SLC12A3: variants seen among roughly 807,000 people sequenced by gnomAD.
The protein encoded by SLC12A3 is solute carrier family 12 member 3.
A neutral mutation model predicts 121.0 loss-of-function variants in SLC12A3; 104 were observed. The observed-to-expected ratio is 0.86, with a 90% confidence interval of 0.73 to 1.01. The LOEUF (loss-of-function observed/expected upper bound fraction) is 1.01. SLC12A3 is among the 50% of genes least tolerant of loss of function. The pLI, the probability that SLC12A3 is intolerant of heterozygous loss-of-function variation, is 0.00. For missense variants in SLC12A3, 1,328 were observed against 1,356.3 expected, an observed-to-expected ratio of 0.98 and a Z score of 0.33; for synonymous variants, 536 against 533.4, an observed-to-expected ratio of 1.00 and a Z score of -0.07.
At chr16:56,895,926 G>T (rs1055625038) in intron 22 of SLC12A3, among the ~76,000 whole-genome samples, 5 of 152,162 alleles carry the variant, frequency 3.3e-5, no homozygotes, top group African/African-American at 9.6e-5. Context: ...CTGCAAGAGG[G>T]TTTGTGGCCC....
chr16:56,913,579 A>T lies in SLC12A3; in HGVS notation c.*174A>T. The T allele has an allele frequency of 1.4e-6, 1 of 707,488 alleles. No homozygotes were observed. 43.8% of individuals were successfully genotyped at this position (707,488 alleles called of 1,614,324 possible). On this transcript the variant is annotated 3_prime_UTR_variant, in exon 26 of 26. Transcript: ENST00000563236. ...CCAAATCTGGCTGGACTCCACTTCC[A>T]TGGGACACATTCCCTGGGTCTTGTG...
chr16:56,907,093 C>G (rs780575543), intron 25 of SLC12A3: 4 of 172,772 alleles, frequency 2.3e-5, no homozygotes, highest in Admixed American at 6.3e-5. Context: ...ATTGACAGGA[C>G]AGAGGTAAAA....
At position 56,886,569 on chromosome 16, in the gene SLC12A3, G is replaced by A. The variant is rs1215433970; in HGVS notation, c.2037+94G>A. ...GGGAGCCAAGACAGGTGGATCACCC[G>A]AGGTCAGGAGTTTGAGACCAGCCTG... On this transcript the variant is annotated intron_variant, in intron 16 of 25. Transcript: ENST00000563236. 2.9e-5 allele frequency: 34 copies of A among 1,163,908 alleles called. 1 individual carries two copies. Among genetic ancestry groups the A allele is most frequent in the Middle Eastern group, 4.0e-4 (2 of 5,048 alleles). The allele number at this position is 1,163,908 out of a possible 1,614,324, so 72.1% of individuals were successfully genotyped here.
intron 20 of SLC12A3, 166 bp downstream of exon 20, chr16:56,892,299 G>C (rs1422470275): frequency 5.9e-6 from 4 of 674,912 alleles, no homozygotes; most frequent in Non-Finnish European, 1.1e-5. Context: ...GGAACTGGAG[G>C]GGCTTGGCCG....
At position 56,875,972 on chromosome 16, in the gene SLC12A3, A is replaced by G. The variant is rs149965438; in HGVS notation, c.1096-2105A>G. Reference sequence around the variant, plus strand: ...CTGGTGTATTTGTGTTTTCACCACAAATTGGGTGGCTTAAAAACAGACCTA... The same window carrying G: ...CTGGTGTATTTGTGTTTTCACCACAGATTGGGTGGCTTAAAAACAGACCTA... On this transcript the variant is annotated intron_variant, in intron 8 of 25. Coordinates refer to ENST00000563236, the MANE Select transcript of SLC12A3 (RefSeq NM_001126108.2). Among the ~76,000 whole-genome samples the G allele has an allele frequency of 6.5e-3, 980 of 151,886 alleles. 7 individuals carry two copies. The highest frequency in any genetic ancestry group is 0.023 in the African/African-American group (940 of 41,460).
chr16:56,880,150 G>A lies in SLC12A3; in HGVS notation c.1464G>A (p.Leu488=). 6.2e-7 allele frequency: 1 copy of A among 1,607,472 alleles called. No individual in the cohort carries two copies. The highest frequency in any genetic ancestry group is 8.5e-7 in the Non-Finnish European group (1 of 1,177,918). The change falls in exon 12 of 26, where the codon CTG becomes CTA. Residue 488 remains leucine, a synonymous_variant. Coordinates refer to ENST00000563236, the MANE Select transcript of SLC12A3 (RefSeq NM_001126108.2). ...KVFQCLCEDQ[L]YPLIGFFGKG... is the part of the protein sequence containing the mutation. ...TGCAGTGCCTTTGCGAGGACCAGCT[G>A]TACCCACTGATCGGCTTCTTCGGCA...
chr16:56,902,559 C>T (rs748972632), intron 24 of SLC12A3, 51 bp downstream of exon 24: 214 of 1,603,924 alleles, frequency 1.3e-4, no homozygotes, highest in Non-Finnish European at 1.5e-4. Context: ...GGGTCAGGGA[C>T]GGGTGTCCTG....
rs1193684364 is a variant in SLC12A3, at chr16:56,913,875, G to GTC, written c.*478_*479dup. The GTC allele has an allele frequency of 5.0e-6, 1 of 200,152 alleles. No individual in the cohort carries two copies. The highest frequency in any genetic ancestry group is 2.3e-5 in the African/African-American group (1 of 42,774). The allele number at this position is 200,152 out of a possible 1,614,324, so 12.4% of individuals were successfully genotyped here. On this transcript the variant is annotated 3_prime_UTR_variant, in exon 26 of 26. Transcript: ENST00000563236. ...CCTACAGGCTCTCTAAGGAATGCAG[G>GTC]TCTCTCTCTGAGCCTCCACAGCCAG...
At chr16:56,879,764 G>C (rs1596908836) in intron 11 of SLC12A3, 115 bp downstream of exon 11, 2 of 782,534 alleles carry the variant, frequency 2.6e-6, no homozygotes, top group East Asian at 5.2e-5. Flanking sequence ...ATTAGACTGG[G>C]GTCTCTAGCC....
chr16:56,875,191 C>A (rs1483196893), intron 8 of SLC12A3, among the ~76,000 whole-genome samples: 1 of 152,168 alleles, frequency 6.6e-6, no homozygotes, highest in Non-Finnish European at 1.5e-5. Context: ...TCTTGGATGG[C>A]CTCCACCCAT....
Position 56,884,074 on chromosome 16 carries a change from C to T in SLC12A3, c.1695C>T (p.Tyr565=), listed in dbSNP as rs2144723154. ...GGTGGAGACCTTCATTCCAATACTA[C>T]AACAAGTGGGCGGCGCTGTTTGGGG... The part of the protein sequence containing the change: ...SPGWRPSFQY[Y]NKWAALFGAI... The change falls in exon 14 of 26, where the codon TAC becomes TAT. Residue 565 remains tyrosine, a synonymous_variant. Transcript: ENST00000563236. The T allele has an allele frequency of 6.2e-7, 1 of 1,614,166 alleles. No individual in the cohort carries two copies.
chr16:56,895,340 C>T (rs970523511), intron 22 of SLC12A3, among the ~76,000 whole-genome samples: 2 of 150,448 alleles, frequency 1.3e-5, no homozygotes, highest in Non-Finnish European at 3.0e-5. Flanking sequence ...TAGAGGCGTG[C>T]GCTACCATGC....
chr16:56,867,211 G>A lies in SLC12A3; in HGVS notation c.424G>A (p.Val142Met). ...EPVRFGWVKG[V>M]MIRCMLNIWG... ...AGTGCGCTTCGGCTGGGTCAAGGGG[G>A]TGATGGTGAGTGGGGTGTGGGTGGT... Residue 142 changes from valine (V) to methionine (M), a missense_variant, in exon 2 of 26, where the codon GTG becomes ATG. Transcript: ENST00000563236. 2 of 1,608,396 alleles carry A rather than the reference G, an allele frequency of 1.2e-6. No homozygotes were observed. Among genetic ancestry groups the A allele is most frequent in the Admixed American group, 1.7e-5 (1 of 58,464 alleles).
chr16:56,886,691 C>T (rs891397748), intron 16 of SLC12A3, among the ~76,000 whole-genome samples: 1 of 152,150 alleles, frequency 6.6e-6, no homozygotes, highest in Admixed American at 6.5e-5. Flanking sequence ...GCCAGGCACC[C>T]CCCATGGACC....
intron 25 of SLC12A3, among the ~76,000 whole-genome samples, chr16:56,909,677 T>C (rs141127981): frequency 7.9e-5 from 12 of 152,080 alleles, no homozygotes; most frequent in African/African-American, 2.9e-4. Context: ...AGTGTTTCTC[T>C]ACAAGTTCAG....
At chr16:56,911,579 C>G (rs1316258143) in intron 25 of SLC12A3, among the ~76,000 whole-genome samples, 2 of 152,184 alleles carry the variant, frequency 1.3e-5, no homozygotes, top group Non-Finnish European at 2.9e-5. Flanking sequence ...CCCACCTCGG[C>G]CTCCCAAAGT....
intron 1 of SLC12A3, among the ~76,000 whole-genome samples, chr16:56,866,239 G>A (rs1964352717): frequency 6.6e-6 from 1 of 152,130 alleles, no homozygotes; most frequent in Non-Finnish European, 1.5e-5. Context: ...ACCCACCTTG[G>A]CCTCCCAACG....
intron 25 of SLC12A3, among the ~76,000 whole-genome samples, chr16:56,907,907 C>T (rs11865881): frequency 0.021 from 3,234 of 152,252 alleles, 124 homozygotes; most frequent in African/African-American, 0.074. Context: ...CTCTTCTTCC[C>T]AATCACTTCC....
At chr16:56,882,975 T>G (rs2055260899) in intron 13 of SLC12A3, among the ~76,000 whole-genome samples, 2 of 152,064 alleles carry the variant, frequency 1.3e-5, no homozygotes, top group Admixed American at 1.3e-4. Context: ...ATAATAATAA[T>G]AGCGGCTCTC....
Sources: gnomAD v4.1 joint callset for allele counts (sites outside exome capture counted in the v4.1 genomes callset) on GRCh38, gnomAD v4.1.1 for gene constraint, MANE v1.5 for transcripts, NCBI Gene and HGNC (gene_info 2026-07-23, HGNC 2026-07-21) for gene names.